HUNK: variants seen among roughly 807,000 people sequenced by gnomAD.
The protein encoded by HUNK is hormonally up-regulated Neu-associated kinase.
HUNK carries 21 observed loss-of-function variants against 61.0 expected under a neutral mutation model. The ratio of observed to expected loss-of-function variants is 0.34; its 90% CI spans 0.24 to 0.50. HUNK has a LOEUF of 0.50. Ranked by LOEUF, HUNK falls within the 20% of genes least tolerant of loss-of-function variation. The pLI is 0.98. For synonymous variants in HUNK, 371 were observed against 386.1 expected, an observed-to-expected ratio of 0.96 and a Z score of 0.46; for missense variants, 772 against 945.7, an observed-to-expected ratio of 0.82 and a Z score of 2.41.
At chr21:31,939,722 T>G (rs1244391375) in intron 2 of HUNK, among the ~76,000 whole-genome samples, 1 of 151,156 alleles carries the variant, frequency 6.6e-6, no homozygotes, top group East Asian at 1.9e-4. Flanking sequence ...GTGTTGTTTT[T>G]TTTTTTTTTT....
At position 31,893,161 on chromosome 21, in the gene HUNK, G is replaced by A. The variant is rs189884563; in HGVS notation, c.261+19226G>A. 3.3e-5 allele frequency among the ~76,000 whole-genome samples: 5 copies of A among 152,144 alleles called. No homozygotes were observed. The East Asian group carries it at 7.7e-4, about 24-fold the overall frequency. ...CCACAGAATATGAGACTCCAAGAAG[G>A]GCCAGGTCATGGAAGCTTCTACAGC... On this transcript the variant is annotated intron_variant, in intron 1 of 10. Coordinates refer to ENST00000270112, the MANE Select transcript of HUNK (RefSeq NM_014586.2).
chr21:31,915,352 G>C (rs892429012), intron 1 of HUNK, among the ~76,000 whole-genome samples: 6 of 152,132 alleles, frequency 3.9e-5, no homozygotes, highest in Non-Finnish European at 7.4e-5. Context: ...TGGGAAGAAA[G>C]CTTTTTTGGG....
chr21:31,890,005 T>G (rs2052374794), intron 1 of HUNK, among the ~76,000 whole-genome samples: 1 of 152,150 alleles, frequency 6.6e-6, no homozygotes, highest in Non-Finnish European at 1.5e-5. Context: ...AATATATTTT[T>G]AAGTATTTTT....
intron 1 of HUNK, among the ~76,000 whole-genome samples, chr21:31,912,018 C>A (rs1046241120): frequency 2.6e-5 from 4 of 152,220 alleles, no homozygotes; most frequent in African/African-American, 7.2e-5. Context: ...CTCGTACCTA[C>A]TTTCTAGCAT....
At chr21:31,928,289 C>T (rs557354333) in intron 2 of HUNK, among the ~76,000 whole-genome samples, 5 of 152,228 alleles carry the variant, frequency 3.3e-5, no homozygotes, top group East Asian at 1.9e-4. Context: ...TTCTCAGGAT[C>T]GCGAGAACAA....
intron 4 of HUNK, among the ~76,000 whole-genome samples, chr21:31,950,018 G>A (rs114039984): frequency 0.01 from 1,548 of 152,286 alleles, 17 homozygotes; most frequent in African/African-American, 0.034. Context: ...CACAGCCAGC[G>A]TGTGACAGAG....
intron 4 of HUNK, among the ~76,000 whole-genome samples, chr21:31,946,762 GCAC>G (rs1386513716): frequency 6.6e-6 from 1 of 152,072 alleles, no homozygotes; most frequent in Non-Finnish European, 1.5e-5. Flanking sequence ...TTACAGGCAT[GCAC>G]CACCATGCCC....
At chr21:31,965,594 C>CTTTTTTTTTT (rs71193162) in intron 5 of HUNK, among the ~76,000 whole-genome samples, 50 of 127,426 alleles carry the variant, frequency 3.9e-4, no homozygotes, top group Non-Finnish European at 5.4e-4. Flanking sequence ...CTTTGTTTTT[C>CTTTTTTTTTT]TTTTTTTTTT....
chr21:31,939,567 C>G (rs561518137), intron 2 of HUNK, among the ~76,000 whole-genome samples: 2 of 151,984 alleles, frequency 1.3e-5, no homozygotes, highest in Admixed American at 1.3e-4. Flanking sequence ...CGCCGCCATG[C>G]CCAGCTGATT....
intron 2 of HUNK, among the ~76,000 whole-genome samples, chr21:31,926,875 T>A (rs116280198): frequency 0.023 from 3,501 of 152,186 alleles, 139 homozygotes; most frequent in African/African-American, 0.08. Context: ...ATATATATTT[T>A]AAAAAAATTC....
chr21:31,996,713 C>T (rs1368119266), intron 10 of HUNK, among the ~76,000 whole-genome samples: 1 of 152,148 alleles, frequency 6.6e-6, no homozygotes, highest in African/African-American at 2.4e-5. Flanking sequence ...GTTCAATCTC[C>T]TAAAATATGA....
At chr21:31,990,003 G>C (rs2053160806) in intron 8 of HUNK, 126 bp from the exon 9 acceptor site, 1 of 823,658 alleles carries the variant, frequency 1.2e-6, no homozygotes, top group East Asian at 2.5e-5. Context: ...TTCAGGATTT[G>C]CTTTCTGTCT....
chr21:31,989,713 CAAA>C (rs758563763), intron 8 of HUNK, among the ~76,000 whole-genome samples: 8 of 80,282 alleles, frequency 1.0e-4, no homozygotes, highest in South Asian at 4.9e-4. Context: ...GACTCGGTCT[CAAA>C]AAAAAAAAAA....
rs541516157 is a variant in HUNK at position 31,993,018 on chromosome 21, A to T, written c.1306-2750A>T. On this transcript the variant is annotated intron_variant, in intron 9 of 10. Coordinates refer to ENST00000270112, the MANE Select transcript of HUNK (RefSeq NM_014586.2). Reference sequence around the variant, plus strand: ...AGAAGGATATGCTAGGGGTTCTTGGAGGACATACCAGGGTGCAGGATGTTG... The same window carrying T: ...AGAAGGATATGCTAGGGGTTCTTGGTGGACATACCAGGGTGCAGGATGTTG... Among the ~76,000 whole-genome samples, 5 of 152,274 alleles carry T rather than the reference A, an allele frequency of 3.3e-5. No homozygotes were observed. The East Asian group carries it at 9.7e-4, about 29-fold the overall frequency.
Position 31,998,985 on chromosome 21 carries a change from A to ATTGG in HUNK, c.1946_1947insTTGG (p.Gln649HisfsTer38). ...CCGGTTCCCAGCAATGGCCCCATGC[A>ATTGG]GCCTCTGGGGAGCCCCAATTGTGTG... On this transcript the variant is annotated frameshift_variant, in exon 11 of 11. Coordinates refer to ENST00000270112, the MANE Select transcript of HUNK (RefSeq NM_014586.2). LOFTEE classifies it high-confidence loss of function. 6.2e-7 allele frequency: 1 copy of ATTGG among 1,614,214 alleles called. No homozygotes were observed. Among genetic ancestry groups the ATTGG allele is most frequent in the Non-Finnish European group, 8.5e-7 (1 of 1,180,022 alleles).
chr21:31,873,486 A>C lies in HUNK; in HGVS notation c.-189A>C. 2 of 263,668 alleles carry C rather than the reference A, an allele frequency of 7.6e-6. No homozygotes were observed. Among genetic ancestry groups the C allele is most frequent in the Non-Finnish European group, 1.2e-5 (2 of 170,278 alleles). 16.3% of individuals were successfully genotyped at this position (263,668 alleles called of 1,614,324 possible). On this transcript the variant is annotated 5_prime_UTR_variant, in exon 1 of 11. Transcript: ENST00000270112. This position sits in a 1 kb window ranked among gnomAD's most constrained non-coding sequence, Gnocchi z 6.1. Reference sequence around the variant, plus strand: ...GTCCCGCGTCCCCTGGGCAGCCGCTATTGTCTACGCGCCTCGCTGGGCGGC... The same window carrying C: ...GTCCCGCGTCCCCTGGGCAGCCGCTCTTGTCTACGCGCCTCGCTGGGCGGC...
At chr21:31,990,953 C>T (rs1601413198) in intron 9 of HUNK, among the ~76,000 whole-genome samples, 1 of 152,194 alleles carries the variant, frequency 6.6e-6, no homozygotes, top group African/African-American at 2.4e-5. Flanking sequence ...ACATATGATC[C>T]TAAGGGTTGG....
chr21:31,955,686 T>C (rs2052885038), intron 4 of HUNK, among the ~76,000 whole-genome samples: 1 of 152,240 alleles, frequency 6.6e-6, no homozygotes, highest in South Asian at 2.1e-4. Flanking sequence ...TGCCTCTGGT[T>C]ATGCTTTGTG....
chr21:31,921,303 G>A (rs981300171), intron 1 of HUNK, among the ~76,000 whole-genome samples: 1 of 151,984 alleles, frequency 6.6e-6, no homozygotes, highest in Non-Finnish European at 1.5e-5. Flanking sequence ...GCTGTGTGTC[G>A]TGAAGGGGGA....
Sources: gnomAD v4.1 joint callset for allele counts (sites outside exome capture counted in the v4.1 genomes callset) on GRCh38, gnomAD v4.1.1 for gene constraint, Gnocchi (gnomAD v3.1) non-coding constraint, MANE v1.5 for transcripts, NCBI Gene and HGNC (gene_info 2026-07-23, HGNC 2026-07-21) for gene names.